Variants in DLG2 observed in about 807,000 individuals in gnomAD.
DLG2 encodes disks large homolog 2.
DLG2 carries 45 observed loss-of-function variants against 132.5 expected under a neutral mutation model. That is an observed-to-expected ratio of 0.34 (90% CI 0.27 to 0.44). The LOEUF (loss-of-function observed/expected upper bound fraction) is 0.44. Among genes scored for constraint, DLG2 ranks in the 20% least tolerant of loss-of-function variants. DLG2 has a pLI of 1.00. For missense variants in DLG2, 1,045 were observed against 1,196.9 expected, an observed-to-expected ratio of 0.87 and a Z score of 1.87; for synonymous variants, 424 against 419.6, an observed-to-expected ratio of 1.01 and a Z score of -0.13.
Position 85,550,887 on chromosome 11 carries a change from C to T in DLG2, c.40+47770G>A, listed in dbSNP as rs542028846. On this transcript the variant is annotated intron_variant, in intron 3 of 27. Coordinates refer to ENST00000376104, the MANE Select transcript of DLG2 (RefSeq NM_001142699.3). ...ATGATGAACATTAGTTGCTGAATGC[C>T]GTATTTCCAAAGGAAAGAAGGAACA... Among the ~76,000 whole-genome samples the T allele has an allele frequency of 7.2e-5, 11 of 152,136 alleles. 1 individual carries two copies. The South Asian group carries it at 2.3e-3, about 32-fold the overall frequency.
At chr11:85,592,355 T>C (rs1448133526) in intron 3 of DLG2, among the ~76,000 whole-genome samples, 1 of 152,212 alleles carries the variant, frequency 6.6e-6, no homozygotes, top group Non-Finnish European at 1.5e-5. Flanking sequence ...CAACTAAGAA[T>C]TTCACCTTCA....
chr11:83,945,147 A>G (rs930401416), intron 14 of DLG2, among the ~76,000 whole-genome samples: 1 of 152,192 alleles, frequency 6.6e-6, no homozygotes, highest in Non-Finnish European at 1.5e-5. Context: ...ATGGTGGCGC[A>G]CGCCTATAAT....
rs1566691730 is a variant in DLG2, at chr11:83,720,309, A to AAAAAAAAAAAAAG, written c.1825+66380_1825+66381insCTTTTTTTTTTTT. Among the ~76,000 whole-genome samples, 8 of 146,506 alleles carry AAAAAAAAAAAAAG rather than the reference A, an allele frequency of 5.5e-5. No individual in the cohort carries two copies. The East Asian group carries it at 1.6e-3, about 30-fold the overall frequency. On this transcript the variant is annotated intron_variant, in intron 18 of 27. Coordinates refer to ENST00000376104, the MANE Select transcript of DLG2 (RefSeq NM_001142699.3). ...CTCCATCTCAGAAAAAAAAAAAAAA[A>AAAAAAAAAAAAAG]AAAAAAAAAAAAAAAAAGAATGACA... is the stretch of plus-strand genomic sequence containing the variant.
chr11:84,759,129 T>A (rs1379030449), intron 6 of DLG2, among the ~76,000 whole-genome samples: 1 of 152,142 alleles, frequency 6.6e-6, no homozygotes, highest in East Asian at 1.9e-4. Flanking sequence ...CTACCCACCT[T>A]GGCCTCCCGA....
intron 3 of DLG2, among the ~76,000 whole-genome samples, chr11:85,301,558 G>A (rs1205394999): frequency 6.6e-6 from 1 of 152,142 alleles, no homozygotes; most frequent in Non-Finnish European, 1.5e-5. Flanking sequence ...CTAGAACTGT[G>A]AGGGGGCTGA....
chr11:84,318,072 A>G (rs2098378793), intron 7 of DLG2, among the ~76,000 whole-genome samples: 1 of 152,204 alleles, frequency 6.6e-6, no homozygotes, highest in Admixed American at 6.5e-5. Flanking sequence ...CATTCACCAC[A>G]AATAGAGTCT....
intron 6 of DLG2, among the ~76,000 whole-genome samples, chr11:85,078,517 T>A (rs761364643): frequency 3.9e-5 from 6 of 151,916 alleles, no homozygotes; most frequent in Non-Finnish European, 8.8e-5. Context: ...CATCTTGAGA[T>A]GTGTAGGCAA....
At chr11:85,099,266 C>G (rs1419011191) in intron 6 of DLG2, among the ~76,000 whole-genome samples, 1 of 152,098 alleles carries the variant, frequency 6.6e-6, no homozygotes, top group South Asian at 2.1e-4. Context: ...GCTTTCGCTG[C>G]GTGGACTACC....
intron 19 of DLG2, among the ~76,000 whole-genome samples, chr11:83,622,039 C>T (rs141955902): frequency 0.014 from 2,071 of 152,238 alleles, 25 homozygotes; most frequent in Middle Eastern, 0.037. Context: ...CTTAGCCTCC[C>T]GAGTAGCTGG....
At chr11:84,093,033 C>CAAAA (rs562763060) in intron 10 of DLG2, among the ~76,000 whole-genome samples, 3 of 87,554 alleles carry the variant, frequency 3.4e-5, no homozygotes, top group African/African-American at 3.8e-5. Flanking sequence ...GAGTCTCCGT[C>CAAAA]AAAAAAAAAA....
intron 6 of DLG2, among the ~76,000 whole-genome samples, chr11:84,657,426 TTA>T (rs1271924264): frequency 6.6e-6 from 1 of 152,142 alleles, no homozygotes; most frequent in East Asian, 1.9e-4. Context: ...AACATTCTTT[TTA>T]TGAGACCAGC....
Position 84,792,759 on chromosome 11 carries a change from G to A in DLG2, c.358-258028C>T, listed in dbSNP as rs549231874. 2.0e-5 allele frequency among the ~76,000 whole-genome samples: 3 copies of A among 152,102 alleles called. No individual in the cohort carries two copies. The South Asian group carries it at 6.2e-4, about 32-fold the overall frequency. ...GATCTTTTGAATTTTGGCAATATCAGTTTTAATGTTTTCTTTTCATCTCTG... is the reference window on the plus strand; with the variant it reads ...GATCTTTTGAATTTTGGCAATATCAATTTTAATGTTTTCTTTTCATCTCTG... On this transcript the variant is annotated intron_variant, in intron 6 of 27. Coordinates refer to ENST00000376104, the MANE Select transcript of DLG2 (RefSeq NM_001142699.3).
intron 8 of DLG2, among the ~76,000 whole-genome samples, chr11:84,194,869 G>A (rs1463667600): frequency 3.9e-5 from 6 of 152,276 alleles, no homozygotes; most frequent in East Asian, 1.9e-4. Context: ...TGGGGCCGGC[G>A]GCGCTGGCCA....
chr11:83,653,006 G>T (rs1204243050), intron 18 of DLG2, among the ~76,000 whole-genome samples: 2 of 152,200 alleles, frequency 1.3e-5, no homozygotes, highest in Non-Finnish European at 2.9e-5. Flanking sequence ...CACACTAGTT[G>T]TGAAATATGC....
intron 6 of DLG2, among the ~76,000 whole-genome samples, chr11:84,819,521 G>A (rs556252144): frequency 1.3e-5 from 2 of 151,756 alleles, no homozygotes; most frequent in Non-Finnish European, 1.5e-5. Context: ...TATATGCCTG[G>A]CATTGTCATG....
At chr11:84,220,357 C>T (rs146446444) in intron 8 of DLG2, among the ~76,000 whole-genome samples, 1 of 152,322 alleles carries the variant, frequency 6.6e-6, no homozygotes, top group East Asian at 1.9e-4. Context: ...ATACTCACTG[C>T]TTCACACAGA....
At chr11:84,805,099 AGT>A (rs2075840177) in intron 6 of DLG2, among the ~76,000 whole-genome samples, 1 of 152,132 alleles carries the variant, frequency 6.6e-6, no homozygotes, top group Non-Finnish European at 1.5e-5. Flanking sequence ...TCATTGTGTC[AGT>A]AGAGGCCACA....
At chr11:85,006,998 T>G (rs1395538261) in intron 6 of DLG2, among the ~76,000 whole-genome samples, 1 of 152,166 alleles carries the variant, frequency 6.6e-6, no homozygotes, top group African/African-American at 2.4e-5. Flanking sequence ...TTCTTTCTAC[T>G]TTTTGAGAAC....
At chr11:84,362,269 T>C (rs1324076985) in intron 7 of DLG2, among the ~76,000 whole-genome samples, 1 of 151,986 alleles carries the variant, frequency 6.6e-6, no homozygotes, top group Admixed American at 6.6e-5. Flanking sequence ...AAGTTACTCC[T>C]TGAAAGAGTA....
Sources: gnomAD v4.1 joint callset for allele counts (sites outside exome capture counted in the v4.1 genomes callset) on GRCh38, gnomAD v4.1.1 for gene constraint, MANE v1.5 for transcripts, NCBI Gene and HGNC (gene_info 2026-07-23, HGNC 2026-07-21) for gene names.